The following ARCN1 variants were observed in gnomAD, a reference collection of about 807,000 sequenced individuals.
ARCN1 encodes the protein archain 1 coat protein complex I subunit delta, also known as coatomer subunit delta.
In ARCN1, 5 loss-of-function variants were observed where a neutral mutation model predicts 60.4. That is an observed-to-expected ratio of 0.08 (90% CI 0.04 to 0.17). ARCN1 has a LOEUF of 0.17. Among genes scored for constraint, ARCN1 ranks in the 10% least tolerant of loss-of-function variants. ARCN1 has a pLI of 1.00. For synonymous variants in ARCN1, 224 were observed against 220.0 expected (o/e 1.02, Z -0.16); for missense variants, 464 against 626.5 (o/e 0.74, Z 2.77).
At chr11:118,577,332 C>G (rs782413588) in intron 1 of ARCN1, among the ~76,000 whole-genome samples, 30 of 151,798 alleles carry the variant, frequency 2.0e-4, no homozygotes, top group African/African-American at 7.0e-4. Context: ...CTGCAACTTC[C>G]GCCTCCCAGG....
intron 1 of ARCN1, among the ~76,000 whole-genome samples, chr11:118,579,688 TAA>T (rs1313169929): frequency 7.0e-6 from 1 of 143,152 alleles, no homozygotes; most frequent in Non-Finnish European, 1.5e-5. Flanking sequence ...AACTCCATCT[TAA>T]AAAAAAAAAA....
intron 1 of ARCN1, among the ~76,000 whole-genome samples, chr11:118,579,677 A>G (rs1202723935): frequency 1.3e-5 from 2 of 152,024 alleles, no homozygotes; most frequent in Non-Finnish European, 2.9e-5. Context: ...AACAAGAGCA[A>G]AACTCCATCT....
chr11:118,581,750 C>G (rs1243191429), intron 2 of ARCN1, among the ~76,000 whole-genome samples: 2 of 152,104 alleles, frequency 1.3e-5, no homozygotes, highest in African/African-American at 2.4e-5. Context: ...AGCAGTTGTT[C>G]TAATCTGCCG....
At chr11:118,579,464 G>A (rs1427096422) in intron 1 of ARCN1, among the ~76,000 whole-genome samples, 1 of 151,218 alleles carries the variant, frequency 6.6e-6, no homozygotes, top group Non-Finnish European at 1.5e-5. Flanking sequence ...CCGAGGTCAG[G>A]CATTTGAGAC....
chr11:118,590,306 C>T, intron 5 of ARCN1, 35 bp from the exon 6 acceptor site: 1 of 1,586,830 alleles, frequency 6.3e-7, no homozygotes, highest in Non-Finnish European at 8.6e-7. Flanking sequence ...TTGGTTTCTA[C>T]CTTTCTGAAC....
At chr11:118,582,168 G>A (rs1027223103) in intron 2 of ARCN1, among the ~76,000 whole-genome samples, 28 of 151,938 alleles carry the variant, frequency 1.8e-4, no homozygotes, top group Admixed American at 1.6e-3. Context: ...ACGGAGTCTC[G>A]CTCTTGCCCT....
chr11:118,578,464 G>T (rs1337872895), intron 1 of ARCN1, among the ~76,000 whole-genome samples: 1 of 152,026 alleles, frequency 6.6e-6, no homozygotes, highest in Non-Finnish European at 1.5e-5. Context: ...GTGTTCATTT[G>T]ATTTGTCTTA....
chr11:118,593,307 C>A (rs1938952552), intron 7 of ARCN1, among the ~76,000 whole-genome samples: 1 of 151,758 alleles, frequency 6.6e-6, no homozygotes, highest in African/African-American at 2.4e-5. Context: ...TGGCTCATTA[C>A]AACCTTGAAC....
At chr11:118,597,343 A>T (rs995614834) in intron 8 of ARCN1, among the ~76,000 whole-genome samples, 9 of 152,228 alleles carry the variant, frequency 5.9e-5, no homozygotes, top group African/African-American at 2.2e-4. Context: ...ACATTATGTT[A>T]AAATTCCTTA....
chr11:118,598,891 G>C (rs1939089975), intron 9 of ARCN1, among the ~76,000 whole-genome samples: 1 of 151,292 alleles, frequency 6.6e-6, no homozygotes, highest in African/African-American at 2.4e-5. Context: ...CTGCCTCCCG[G>C]GTTCAAGCAA....
intron 9 of ARCN1, among the ~76,000 whole-genome samples, chr11:118,599,872 A>T (rs1206136883): frequency 6.6e-6 from 1 of 152,154 alleles, no homozygotes; most frequent in Admixed American, 6.5e-5. Context: ...AGAAAATTGC[A>T]GCTTCCTCCC....
At chr11:118,581,622 C>T in intron 2 of ARCN1, 113 bp downstream of exon 2, 10 of 1,056,900 alleles carry the variant, frequency 9.5e-6, no homozygotes, top group South Asian at 1.6e-5. Context: ...CTACTCCGCA[C>T]CCCAGCGACT....
chr11:118,579,178 A>G (rs2135537033), intron 1 of ARCN1, among the ~76,000 whole-genome samples: 1 of 152,208 alleles, frequency 6.6e-6, no homozygotes, highest in East Asian at 1.9e-4. Flanking sequence ...GAACAAAACT[A>G]GAAAATAGAT....
At chr11:118,581,628 C>G in intron 2 of ARCN1, 119 bp downstream of exon 2, 1 of 954,086 alleles carries the variant, frequency 1.0e-6, no homozygotes, top group Non-Finnish European at 1.5e-6. Flanking sequence ...CGCACCCCAG[C>G]GACTTATTGC....
At chr11:118,578,351 T>TG (rs1555074053) in intron 1 of ARCN1, among the ~76,000 whole-genome samples, 7 of 152,190 alleles carry the variant, frequency 4.6e-5, no homozygotes, top group Non-Finnish European at 8.8e-5. Context: ...CTTGAGCCTG[T>TG]AAACATTGTT....
Position 118,581,929 on chromosome 11 carries a change from G to GACACACACACACACACACACACACAC in ARCN1, c.267+423_267+424insCACACACACACACACACACACACACA, listed in dbSNP as rs1179195532. Among the ~76,000 whole-genome samples the GACACACACACACACACACACACACAC allele has an allele frequency of 8.0e-4, 106 of 132,350 alleles. 3 individuals carry two copies. The East Asian group carries it at 8.8e-3, about 11-fold the overall frequency. 86.8% of individuals were successfully genotyped at this position (132,350 alleles called of 152,430 possible). A position where few individuals can be genotyped will look rare whatever the true frequency, so the allele number is the denominator to read the frequency against. ...AGACTTACTGATCCAGAGACAGACA[G>GACACACACACACACACACACACACAC]ACAGACAGACACACACACACACACA... On this transcript the variant is annotated intron_variant, in intron 2 of 9. Transcript: ENST00000264028.
At chr11:118,590,603 TAA>T (rs1555076193) in intron 6 of ARCN1, 97 bp downstream of exon 6, 1 of 1,274,156 alleles carries the variant, frequency 7.8e-7, no homozygotes, top group Non-Finnish European at 1.1e-6. Flanking sequence ...GAAAATTACT[TAA>T]GTTATATAAC....
Position 118,597,861 on chromosome 11 carries a change from T to C in ARCN1, c.1396T>C (p.Phe466Leu), listed in dbSNP as rs1555077459. ...CATTGCTGGGCAGCCCAATGACTTC[T>C]TCCCTGTTCAAGTTTCCTTTGTCTC... Reference protein sequence around the residue: ...FSIAGQPNDFFPVQVSFVSKK... With the variant: ...FSIAGQPNDFLPVQVSFVSKK... Residue 466 changes from phenylalanine to leucine, a missense_variant, in exon 9 of 10, where the codon TTC (phenylalanine) becomes CTC (leucine). Transcript: ENST00000264028. 1 of 1,614,206 alleles carries C rather than the reference T, an allele frequency of 6.2e-7. No individual in the cohort carries two copies. Among genetic ancestry groups the C allele is most frequent in the Admixed American group, 1.7e-5 (1 of 60,018 alleles).
intron 6 of ARCN1, among the ~76,000 whole-genome samples, chr11:118,590,933 G>A (rs1246897665): frequency 6.6e-6 from 1 of 152,200 alleles, no homozygotes; most frequent in East Asian, 1.9e-4. Context: ...CTGAAGGATC[G>A]CTTGAGCCCA....
Sources: allele counts gnomAD v4.1 joint callset (sites outside exome capture counted in the v4.1 genomes callset), GRCh38; gene constraint gnomAD v4.1.1; transcripts MANE v1.5; gene names NCBI Gene and HGNC (gene_info 2026-07-23, HGNC 2026-07-21).